The following WDR27 variants were observed in gnomAD, a reference collection of about 807,000 sequenced individuals.
The protein encoded by WDR27 is WD repeat domain 27, also known as WD repeat-containing protein 27.
A neutral mutation model predicts 114.4 loss-of-function variants in WDR27; 100 were observed. That is an observed-to-expected ratio of 0.87 (90% CI 0.74 to 1.03). WDR27 has a LOEUF of 1.03. WDR27 is among the 50% of genes least tolerant of loss of function. The pLI is 0.00. For synonymous variants in WDR27, 449 were observed against 423.1 expected, an observed-to-expected ratio of 1.06 and a Z score of -0.75; for missense variants, 1,129 against 1,092.9, an observed-to-expected ratio of 1.03 and a Z score of -0.47.
chr6:169,457,698 G>C, intron 25 of WDR27, 64 bp from the exon 26 acceptor site: 1 of 1,299,820 alleles, frequency 7.7e-7, no homozygotes, highest in Non-Finnish European at 1.1e-6. Flanking sequence ...AACTCTATAA[G>C]AAAATAAGCC....
chr6:169,557,280 G>C (rs1799035223), intron 25 of WDR27, among the ~76,000 whole-genome samples: 1 of 152,220 alleles, frequency 6.6e-6, no homozygotes, highest in Non-Finnish European at 1.5e-5. Flanking sequence ...AGGCCAAGCA[G>C]AGAAGAAAAC....
intron 4 of WDR27, 66 bp downstream of exon 4, chr6:169,670,503 T>A: frequency 6.2e-7 from 1 of 1,602,194 alleles, no homozygotes. Flanking sequence ...CTGGGCAAGG[T>A]CCCAGAACCT....
At chr6:169,688,334 T>C (rs1783591560) in intron 2 of WDR27, among the ~76,000 whole-genome samples, 1 of 152,164 alleles carries the variant, frequency 6.6e-6, no homozygotes, top group South Asian at 2.1e-4. Flanking sequence ...CCTGTGGTAT[T>C]AGAAGTCAAG....
chr6:169,668,293 A>G, intron 4 of WDR27, 108 bp from the exon 5 acceptor site: 2 of 1,098,330 alleles, frequency 1.8e-6, no homozygotes, highest in East Asian at 2.5e-5. Flanking sequence ...CTCAGGCGAC[A>G]GGCACAGTCT....
chr6:169,612,411 G>A (rs796681461), intron 22 of WDR27, among the ~76,000 whole-genome samples: 1 of 152,172 alleles, frequency 6.6e-6, no homozygotes, highest in Non-Finnish European at 1.5e-5. Flanking sequence ...CTGGGTGACA[G>A]AGCGAGACTC....
chr6:169,628,786 T>C (rs1279376826), intron 21 of WDR27, among the ~76,000 whole-genome samples: 1 of 152,214 alleles, frequency 6.6e-6, no homozygotes, highest in African/African-American at 2.4e-5. Flanking sequence ...ACTGAAACCA[T>C]ATCTAACTCA....
chr6:169,452,620 T>C (rs1285489965), downstream of WDR27, among the ~76,000 whole-genome samples: 1 of 151,578 alleles, frequency 6.6e-6, no homozygotes, highest in Non-Finnish European at 1.5e-5. Context: ...AGGACGGGCA[T>C]GGCAGCCGCA....
the WDR27 span, among the ~76,000 whole-genome samples, chr6:169,437,801 T>A: frequency 6.6e-6 from 1 of 152,244 alleles, no homozygotes; most frequent in Non-Finnish European, 1.5e-5. Flanking sequence ...TGTTGCAATT[T>A]TTTTTTAAGT....
the WDR27 span, among the ~76,000 whole-genome samples, chr6:169,431,298 T>C: frequency 6.6e-6 from 1 of 152,234 alleles, no homozygotes; most frequent in Admixed American, 6.5e-5. Context: ...AACATTTTAT[T>C]TAGAGGGGTC....
intron 13 of WDR27, among the ~76,000 whole-genome samples, chr6:169,655,136 T>C (rs1199329184): frequency 6.6e-6 from 1 of 152,244 alleles, no homozygotes; most frequent in African/African-American, 2.4e-5. Context: ...TCCGTCCTCC[T>C]GTGACCACCC....
intron 25 of WDR27, among the ~76,000 whole-genome samples, chr6:169,518,932 A>G (rs1023574284): frequency 4.6e-5 from 7 of 152,210 alleles, no homozygotes; most frequent in Non-Finnish European, 8.8e-5. Context: ...TTTGTTGCTT[A>G]GAAATTTCCT....
chr6:169,621,618 G>A (rs117911364), intron 21 of WDR27, among the ~76,000 whole-genome samples: 14,116 of 111,624 alleles, frequency 0.13, 1,709 homozygotes, highest in East Asian at 0.62. Context: ...ATGCATTCAC[G>A]CATATACATA....
At position 169,633,036 on chromosome 6, in the gene WDR27, C is replaced by T. The variant is rs562314826; in HGVS notation, c.2134G>A (p.Val712Met). The T allele has an allele frequency of 1.4e-4, 220 of 1,592,254 alleles. 2 individuals carry two copies. The South Asian group carries it at 2.0e-3, about 14-fold the overall frequency. ...IVLAAGRNRT[V>M]EVFDLNAGCS... is the part of the protein sequence containing the mutation. ...CCGGCGTTGAGGTCAAACACTTCCA[C>T]GGTCCTGTTCCGGCCAGCTGCGAGT... is the stretch of plus-strand genomic sequence containing the variant. Residue 712 changes from valine to methionine, a missense_variant, in exon 21 of 26, where the codon GTG (valine) becomes ATG (methionine). Val to Met is a conservative substitution (Grantham distance 21). Coordinates refer to ENST00000448612, the MANE Select transcript of WDR27 (RefSeq NM_182552.5).
chr6:169,682,153 G>A (rs1417112761), intron 2 of WDR27, among the ~76,000 whole-genome samples: 2 of 151,956 alleles, frequency 1.3e-5, no homozygotes, highest in Non-Finnish European at 2.9e-5. Flanking sequence ...TATCTTATTG[G>A]CGCAGGGTCT....
rs1475434452 is a variant in WDR27 at position 169,689,057 on chromosome 6, T to A, written c.-7-45A>T. On this transcript the variant is annotated intron_variant, in intron 1 of 25. Coordinates refer to ENST00000448612, the MANE Select transcript of WDR27 (RefSeq NM_182552.5). ...ATAAGATGACTATAGGTATCATATT[T>A]AATACAGAAAAAAAGTCTATTACCT... The A allele has an allele frequency of 2.1e-6, 3 of 1,427,816 alleles. No homozygotes were observed. In the East Asian group the frequency reaches 7.5e-5, roughly 36 times the overall value. 88.4% of individuals were successfully genotyped at this position (1,427,816 alleles called of 1,614,324 possible). A position where few individuals can be genotyped will look rare whatever the true frequency, so the allele number is the denominator to read the frequency against.
intron 21 of WDR27, among the ~76,000 whole-genome samples, chr6:169,624,403 C>G (rs1052586597): frequency 3.3e-5 from 5 of 152,162 alleles, no homozygotes; most frequent in African/African-American, 1.2e-4. Context: ...TCGAAGCTCA[C>G]CAGAGTGCAG....
chr6:169,605,338 C>A (rs1332736677), intron 22 of WDR27, among the ~76,000 whole-genome samples: 1 of 151,352 alleles, frequency 6.6e-6, no homozygotes, highest in Admixed American at 6.6e-5. Flanking sequence ...TAGCTGAGAA[C>A]CAGACATCAG....
intron 25 of WDR27, among the ~76,000 whole-genome samples, chr6:169,493,061 A>G (rs1046396969): frequency 1.3e-5 from 2 of 152,118 alleles, no homozygotes; most frequent in African/African-American, 4.8e-5. Context: ...AAAAAATGTG[A>G]ATGTGCTAAC....
intron 25 of WDR27, among the ~76,000 whole-genome samples, chr6:169,475,287 C>T (rs912104024): frequency 6.6e-6 from 1 of 152,216 alleles, no homozygotes; most frequent in Admixed American, 6.5e-5. Flanking sequence ...GTGGCGCAAT[C>T]CTGGCTCACT....
Sources: gnomAD v4.1 joint callset for allele counts (sites outside exome capture counted in the v4.1 genomes callset) on GRCh38, gnomAD v4.1.1 for gene constraint, MANE v1.5 for transcripts, NCBI Gene and HGNC (gene_info 2026-07-23, HGNC 2026-07-21) for gene names.